Variants in PCSK1 observed in about 807,000 individuals in gnomAD.
PCSK1 encodes neuroendocrine convertase 1.
A neutral mutation model predicts 90.6 loss-of-function variants in PCSK1; 56 were observed. The ratio of observed to expected loss-of-function variants is 0.62; its 90% CI spans 0.50 to 0.77. PCSK1 has a LOEUF of 0.77. Among genes scored for constraint, PCSK1 ranks in the 30% least tolerant of loss-of-function variants. The probability of loss-of-function intolerance (pLI) is 0.00; values close to 1 mark genes in which losing one functional copy is unlikely to be tolerated. For synonymous variants in PCSK1, 348 were observed against 342.4 expected (o/e 1.02, Z -0.18); for missense variants, 801 against 932.6 (o/e 0.86, Z 1.84).
At chr5:96,409,116 T>G (rs1302615172) in intron 8 of PCSK1, among the ~76,000 whole-genome samples, 1 of 152,182 alleles carries the variant, frequency 6.6e-6, no homozygotes, top group African/African-American at 2.4e-5. Context: ...CCTGGCTAAC[T>G]TTAGGGTAAT....
rs367792614 is a variant in PCSK1, at chr5:96,413,895, G to A, written c.710-1405C>T. Among the ~76,000 whole-genome samples the A allele has an allele frequency of 6.1e-5, 9 of 148,086 alleles. 1 individual carries two copies. The highest frequency in any genetic ancestry group is 2.0e-4 in the African/African-American group (8 of 39,960). On this transcript the variant is annotated intron_variant, in intron 6 of 13. Transcript: ENST00000311106. ...AGCACTTTGGGAGGCCGAGGCGGGC[G>A]GATCACGAGGTCAAGAGATCGAGAC...
rs111342297 is a variant in PCSK1, at chr5:96,403,196, T to G, written c.1197-3010A>C. Among the ~76,000 whole-genome samples, 9 of 152,346 alleles carry G rather than the reference T, an allele frequency of 5.9e-5. 2 individuals are homozygous for G. The highest frequency in any genetic ancestry group is 2.2e-4 in the African/African-American group (9 of 41,576). On this transcript the variant is annotated intron_variant, in intron 9 of 13. Coordinates refer to ENST00000311106, the MANE Select transcript of PCSK1 (RefSeq NM_000439.5). ...TTGCAGGTTATTTTGTTTTAAAAAT[T>G]TCCTTTATCTAGTCTCTGCAAAATA... is the stretch of plus-strand genomic sequence containing the variant.
At position 96,433,233 on chromosome 5, in the gene PCSK1, G is replaced by A. The variant is rs982200633; in HGVS notation, c.-191C>T. The A allele has an allele frequency of 6.3e-6, 4 of 631,584 alleles. No homozygotes were observed. The highest frequency in any genetic ancestry group is 1.8e-5 in the South Asian group (1 of 56,064). 39.1% of individuals were successfully genotyped at this position (631,584 alleles called of 1,614,324 possible). A position where few individuals can be genotyped will look rare whatever the true frequency, so the allele number is the denominator to read the frequency against. ...CGGCGAGCGCTCAGTGAAGCGCTTC[G>A]GTCTCCAGGCTGAGTGGAGCCCCAG... On this transcript the variant is annotated 5_prime_UTR_variant, in exon 1 of 14. Transcript: ENST00000311106.
chr5:96,399,612 C>T (rs1465973097), intron 10 of PCSK1, among the ~76,000 whole-genome samples: 1 of 152,098 alleles, frequency 6.6e-6, no homozygotes, highest in African/African-American at 2.4e-5. Context: ...TTCATCAACC[C>T]TAAGATGCAT....
chr5:96,411,521 G>T (rs1760753380), intron 7 of PCSK1, among the ~76,000 whole-genome samples: 1 of 152,192 alleles, frequency 6.6e-6, no homozygotes, highest in African/African-American at 2.4e-5. Context: ...GGAGCACAAG[G>T]CTTTAGAATC....
At chr5:96,406,332 G>A (rs1760562056) in intron 9 of PCSK1, among the ~76,000 whole-genome samples, 1 of 152,158 alleles carries the variant, frequency 6.6e-6, no homozygotes, top group Non-Finnish European at 1.5e-5. Context: ...GCTGATGCCA[G>A]TCTCAGCTTG....
rs559695424 is a variant in PCSK1, at chr5:96,391,956, A to T, written c.*1045T>A. 6.6e-6 allele frequency: 1 copy of T among 152,342 alleles called. No homozygotes were observed. Among genetic ancestry groups the T allele is most frequent in the African/African-American group, 2.4e-5 (1 of 41,582 alleles). The allele number at this position is 152,342 out of a possible 1,614,324, so 9.4% of individuals were successfully genotyped here. A position where few individuals can be genotyped will look rare whatever the true frequency, so the allele number is the denominator to read the frequency against. ...GACACTATCAGTGATAGGATTGGAG[A>T]AGAACTTTTAGTATCAAGGAATAAA... On this transcript the variant is annotated 3_prime_UTR_variant, in exon 14 of 14. Transcript: ENST00000311106.
intron 3 of PCSK1, among the ~76,000 whole-genome samples, chr5:96,424,489 T>G (rs1164734524): frequency 6.6e-6 from 1 of 152,214 alleles, no homozygotes; most frequent in Non-Finnish European, 1.5e-5. Context: ...TATTCTACTT[T>G]CCAATATCTC....
intron 6 of PCSK1, among the ~76,000 whole-genome samples, chr5:96,414,792 A>G (rs1032471259): frequency 1.3e-5 from 2 of 152,180 alleles, no homozygotes; most frequent in Non-Finnish European, 2.9e-5. Flanking sequence ...CTAATTACAT[A>G]ATTTGTGCTT....
intron 9 of PCSK1, among the ~76,000 whole-genome samples, chr5:96,401,194 G>A (rs921604636): frequency 2.6e-5 from 4 of 152,070 alleles, no homozygotes; most frequent in African/African-American, 9.7e-5. Context: ...AACGCATTGT[G>A]GGAGTTTAGA....
chr5:96,398,264 A>C (rs1257715908), intron 11 of PCSK1, among the ~76,000 whole-genome samples: 1 of 152,178 alleles, frequency 6.6e-6, no homozygotes, highest in Non-Finnish European at 1.5e-5. Flanking sequence ...ACAGAAACCA[A>C]ATTTAGTCAG....
At chr5:96,407,821 G>T (rs752217844) in intron 9 of PCSK1, among the ~76,000 whole-genome samples, 1 of 152,152 alleles carries the variant, frequency 6.6e-6, no homozygotes, top group Non-Finnish European at 1.5e-5. Flanking sequence ...TCCTAATACT[G>T]CCCACTGGAA....
At chr5:96,403,930 T>C (rs1422452378) in intron 9 of PCSK1, among the ~76,000 whole-genome samples, 2 of 152,210 alleles carry the variant, frequency 1.3e-5, no homozygotes, top group African/African-American at 4.8e-5. Context: ...TATCTGTTTG[T>C]TTAATATTTC....
Position 96,392,656 on chromosome 5 carries a change from A to G in PCSK1, c.*345T>C, listed in dbSNP as rs567875247. 1.3e-5 allele frequency: 3 copies of G among 234,672 alleles called. No individual in the cohort carries two copies. The highest frequency in any genetic ancestry group is 6.8e-5 in the African/African-American group (3 of 43,938). The allele number at this position is 234,672 out of a possible 1,614,324, so 14.5% of individuals were successfully genotyped here. ...AGATTATGTTTTCAAATTAATTGAT[A>G]TCCCAGGTTTTGCCTTTTCTTTTGA... is the stretch of plus-strand genomic sequence containing the variant. On this transcript the variant is annotated 3_prime_UTR_variant, in exon 14 of 14. Coordinates refer to ENST00000311106, the MANE Select transcript of PCSK1 (RefSeq NM_000439.5).
Position 96,420,628 on chromosome 5 carries a change from C to T in PCSK1, c.620+1252G>A, listed in dbSNP as rs71630734. On this transcript the variant is annotated intron_variant, in intron 5 of 13. Coordinates refer to ENST00000311106, the MANE Select transcript of PCSK1 (RefSeq NM_000439.5). ...GGCCAAGTCCATGTACCCCAGCCTC[C>T]CATCCTGGGGTTTGTTGGCTTTCTG... Among the ~76,000 whole-genome samples, 768 of 152,152 alleles carry T rather than the reference C, an allele frequency of 5.0e-3. 3 individuals are homozygous for T. Among genetic ancestry groups the T allele is most frequent in the Middle Eastern group, 0.014 (4 of 294 alleles).
chr5:96,432,722 G>A (rs1369388985), intron 1 of PCSK1, 141 bp downstream of exon 1: 18 of 688,546 alleles, frequency 2.6e-5, no homozygotes, highest in African/African-American at 3.6e-5. Context: ...CGCGACAGGG[G>A]CGAGGGCTGG....
At chr5:96,397,895 T>G (rs1407159240) in intron 11 of PCSK1, among the ~76,000 whole-genome samples, 1 of 151,950 alleles carries the variant, frequency 6.6e-6, no homozygotes, top group Non-Finnish European at 1.5e-5. Context: ...TCCATAATGA[T>G]TTAAACATAA....
At chr5:96,425,409 AT>A (rs1464611536) in intron 3 of PCSK1, among the ~76,000 whole-genome samples, 7 of 152,328 alleles carry the variant, frequency 4.6e-5, no homozygotes, top group African/African-American at 1.7e-4. Flanking sequence ...TCATATAAGA[AT>A]TGTCATTCAG....
chr5:96,421,568 A>G (rs577743039), intron 5 of PCSK1, among the ~76,000 whole-genome samples: 3 of 152,288 alleles, frequency 2.0e-5, no homozygotes, highest in Admixed American at 6.5e-5. Context: ...AATTGAGGGG[A>G]GGGATGGGCT....
Sources: allele counts gnomAD v4.1 joint callset (sites outside exome capture counted in the v4.1 genomes callset), GRCh38; gene constraint gnomAD v4.1.1; transcripts MANE v1.5; gene names NCBI Gene and HGNC (gene_info 2026-07-23, HGNC 2026-07-21).